The following AGBL4 variants were observed in gnomAD, a reference collection of about 807,000 sequenced individuals.
AGBL4 encodes cytosolic carboxypeptidase 6.
In AGBL4, 58 loss-of-function variants were observed where a neutral mutation model predicts 66.4. That is an observed-to-expected ratio of 0.87 (90% CI 0.71 to 1.09). The LOEUF is 1.09. Among genes scored for constraint, AGBL4 ranks in the 50% least tolerant of loss-of-function variants. The pLI, the probability that AGBL4 is intolerant of heterozygous loss-of-function variation, is 0.00. For synonymous variants in AGBL4, 234 were observed against 222.9 expected, an observed-to-expected ratio of 1.05 and a Z score of -0.44; for missense variants, 579 against 631.0, an observed-to-expected ratio of 0.92 and a Z score of 0.88.
At chr1:49,137,003 A>G (rs1294608728) in intron 4 of AGBL4, among the ~76,000 whole-genome samples, 3 of 152,192 alleles carry the variant, frequency 2.0e-5, no homozygotes, top group Admixed American at 2.0e-4. Flanking sequence ...TTAGTTCGTA[A>G]CATAAGAAGC....
At chr1:48,803,103 C>A (rs926368933) in intron 6 of AGBL4, among the ~76,000 whole-genome samples, 8 of 152,188 alleles carry the variant, frequency 5.3e-5, no homozygotes, top group African/African-American at 1.7e-4. Flanking sequence ...AAGTAATGTG[C>A]CCAAGGTCAC....
At chr1:48,940,920 T>C (rs891218529) in intron 5 of AGBL4, among the ~76,000 whole-genome samples, 1 of 152,180 alleles carries the variant, frequency 6.6e-6, no homozygotes, top group Non-Finnish European at 1.5e-5. Context: ...AACTTAACAT[T>C]TGAACCTTTT....
At chr1:49,911,461 T>C (rs761953006) in intron 1 of AGBL4, among the ~76,000 whole-genome samples, 1 of 152,120 alleles carries the variant, frequency 6.6e-6, no homozygotes, top group Non-Finnish European at 1.5e-5. Context: ...ACAATATAAA[T>C]CATGCTCATT....
intron 5 of AGBL4, among the ~76,000 whole-genome samples, chr1:48,871,861 C>A (rs1319178077): frequency 6.6e-6 from 1 of 152,098 alleles, no homozygotes; most frequent in African/African-American, 2.4e-5. Context: ...TACCATGTCA[C>A]CCCACCTCTA....
chr1:49,266,882 T>C (rs1291468252), intron 3 of AGBL4, among the ~76,000 whole-genome samples: 1 of 152,174 alleles, frequency 6.6e-6, no homozygotes, highest in South Asian at 2.1e-4. Context: ...AGGGTTTTAA[T>C]TGTAGGTGTG....
At chr1:49,043,759 T>C (rs984800889) in intron 5 of AGBL4, among the ~76,000 whole-genome samples, 1 of 152,194 alleles carries the variant, frequency 6.6e-6, no homozygotes, top group Admixed American at 6.5e-5. Flanking sequence ...GATATTTAGC[T>C]ATGAAATCAT....
chr1:48,766,919 G>A (rs950372507), intron 6 of AGBL4, among the ~76,000 whole-genome samples: 1 of 152,202 alleles, frequency 6.6e-6, no homozygotes, highest in African/African-American at 2.4e-5. Flanking sequence ...TTACAACCCA[G>A]TATATGATAA....
chr1:49,475,327 A>C (rs1646826060), intron 3 of AGBL4, among the ~76,000 whole-genome samples: 1 of 152,176 alleles, frequency 6.6e-6, no homozygotes, highest in South Asian at 2.1e-4. Context: ...GTGCTGCTGC[A>C]TTCAGTTTGA....
chr1:48,917,171 T>C (rs1239058376), intron 5 of AGBL4, among the ~76,000 whole-genome samples: 1 of 152,014 alleles, frequency 6.6e-6, no homozygotes, highest in Non-Finnish European at 1.5e-5. Context: ...CTGTTCTTAT[T>C]GCTGACCAAG....
At chr1:48,993,518 T>G (rs1483099534) in intron 5 of AGBL4, among the ~76,000 whole-genome samples, 1 of 152,174 alleles carries the variant, frequency 6.6e-6, no homozygotes, top group African/African-American at 2.4e-5. Flanking sequence ...CTGTCCTGGC[T>G]GATGCCCCTC....
chr1:49,789,632 G>A (rs1013506143), intron 2 of AGBL4, among the ~76,000 whole-genome samples: 6 of 152,158 alleles, frequency 3.9e-5, no homozygotes, highest in African/African-American at 1.2e-4. Context: ...TACAAGGGAT[G>A]TGAAGGACCT....
intron 3 of AGBL4, among the ~76,000 whole-genome samples, chr1:49,564,904 G>T (rs1218332290): frequency 6.6e-6 from 1 of 152,100 alleles, no homozygotes; most frequent in Admixed American, 6.6e-5. Context: ...GTTGACAGTG[G>T]GGTGTTAAAG....
At chr1:49,829,699 CG>C (rs1645606897) in intron 2 of AGBL4, among the ~76,000 whole-genome samples, 1 of 152,012 alleles carries the variant, frequency 6.6e-6, no homozygotes, top group Non-Finnish European at 1.5e-5. Flanking sequence ...ACATGTGCCA[CG>C]GTGGTTTGAT....
intron 3 of AGBL4, among the ~76,000 whole-genome samples, chr1:49,282,437 T>G (rs748316917): frequency 6.6e-6 from 1 of 152,202 alleles, no homozygotes; most frequent in Non-Finnish European, 1.5e-5. Flanking sequence ...GTAGGTGGAC[T>G]GATTATACTA....
At chr1:48,929,691 T>C (rs1005581256) in intron 5 of AGBL4, among the ~76,000 whole-genome samples, 8 of 152,222 alleles carry the variant, frequency 5.3e-5, no homozygotes, top group African/African-American at 1.9e-4. Context: ...CTGTTGATTT[T>C]GAAAAGTGGC....
intron 3 of AGBL4, among the ~76,000 whole-genome samples, chr1:49,426,580 A>T (rs1168133230): frequency 6.6e-6 from 1 of 152,154 alleles, no homozygotes; most frequent in East Asian, 1.9e-4. Context: ...AAAGTAATTT[A>T]CTTTCATATT....
intron 5 of AGBL4, among the ~76,000 whole-genome samples, chr1:48,961,508 TG>T (rs1657974893): frequency 6.6e-6 from 1 of 152,036 alleles, no homozygotes; most frequent in Non-Finnish European, 1.5e-5. Flanking sequence ...GGGAAAACTG[TG>T]TGTTGGCGCA....
chr1:49,598,432 C>A, intron 3 of AGBL4, among the ~76,000 whole-genome samples: 1 of 152,174 alleles, frequency 6.6e-6, no homozygotes, highest in East Asian at 1.9e-4. Flanking sequence ...TTCCTTCTAA[C>A]AGACAGGACC....
intron 4 of AGBL4, among the ~76,000 whole-genome samples, chr1:49,146,633 T>G (rs1569821982): frequency 6.6e-6 from 1 of 152,288 alleles, no homozygotes; most frequent in Non-Finnish European, 1.5e-5. Flanking sequence ...AGTGGGATGG[T>G]GGTGGTGACT....
Sources: gnomAD v4.1 joint callset for allele counts (sites outside exome capture counted in the v4.1 genomes callset) on GRCh38, gnomAD v4.1.1 for gene constraint, MANE v1.5 for transcripts, NCBI Gene and HGNC (gene_info 2026-07-23, HGNC 2026-07-21) for gene names.